The following SNTG2 variants were observed in gnomAD, a reference collection of about 807,000 sequenced individuals.
SNTG2 encodes the protein gamma-2-syntrophin.
In SNTG2, 74 loss-of-function variants were observed where a neutral mutation model predicts 70.9. The ratio of observed to expected loss-of-function variants is 1.04; its 90% CI spans 0.86 to 1.27. The LOEUF is 1.27. Ranked by LOEUF, SNTG2 falls within the 50% of genes most tolerant of loss-of-function variation. SNTG2 has a pLI of 0.00. For missense variants in SNTG2, 717 were observed against 690.7 expected (o/e 1.04, Z -0.43); for synonymous variants, 278 against 273.8 (o/e 1.02, Z -0.15).
Position 988,679 on chromosome 2 carries a change from A to C in SNTG2, c.72+37611A>C, listed in dbSNP as rs527258337. On this transcript the variant is annotated intron_variant, in intron 1 of 16. Transcript: ENST00000308624. ...TCCATTGCTCTTGGGTTAAGCTCCCAGGAGTGTGCCTGCTGGTCATTTTAG... is the reference window on the plus strand; with the variant it reads ...TCCATTGCTCTTGGGTTAAGCTCCCCGGAGTGTGCCTGCTGGTCATTTTAG... 2.6e-4 allele frequency among the ~76,000 whole-genome samples: 39 copies of C among 152,126 alleles called. 1 individual carries two copies. Among genetic ancestry groups the C allele is most frequent in the Admixed American group, 6.5e-4 (10 of 15,288 alleles).
intron 1 of SNTG2, among the ~76,000 whole-genome samples, chr2:1,005,808 TATATATATATATATATA>T (rs1659545951): frequency 3.3e-4 from 2 of 6,102 alleles, no homozygotes; most frequent in African/African-American, 1.5e-3. Flanking sequence ...TGCCTCAAAA[TATATATATATATATATA>T]TATATATATA....
Position 1,113,209 on chromosome 2 carries a change from C to CTAAG in SNTG2, c.325+14800_325+14801insAAGT, listed in dbSNP as rs1404043098. 2.4e-3 allele frequency among the ~76,000 whole-genome samples: 362 copies of CTAAG among 148,972 alleles called. 6 individuals are homozygous for CTAAG. Among genetic ancestry groups the CTAAG allele is most frequent in the African/African-American group, 8.6e-3 (342 of 39,974 alleles). ...AGTCCTTTGAGAAGGATCGTGTGTACTGAGGATTAACCTTTACAGTCCTTT... is the reference window on the plus strand; with the variant it reads ...AGTCCTTTGAGAAGGATCGTGTGTACTAAGTGAGGATTAACCTTTACAGTCCTTT... On this transcript the variant is annotated intron_variant, in intron 4 of 16. Transcript: ENST00000308624.
chr2:987,034 T>C (rs926870029), intron 1 of SNTG2, among the ~76,000 whole-genome samples: 5 of 152,252 alleles, frequency 3.3e-5, no homozygotes, highest in Non-Finnish European at 4.4e-5. Context: ...GTCCTTAGCA[T>C]GTGCTGGGTG....
intron 6 of SNTG2, among the ~76,000 whole-genome samples, chr2:1,161,829 G>A (rs535601805): frequency 6.6e-6 from 1 of 152,136 alleles, no homozygotes; most frequent in Middle Eastern, 3.4e-3. Flanking sequence ...AATCCCAGCA[G>A]TTTGGGAGGC....
At chr2:1,264,564 A>C (rs914776149) in intron 13 of SNTG2, among the ~76,000 whole-genome samples, 1 of 152,238 alleles carries the variant, frequency 6.6e-6, no homozygotes, top group African/African-American at 2.4e-5. Flanking sequence ...TGTGCACCAC[A>C]GATTGAGGTC....
At chr2:1,024,735 A>C (rs1327054323) in intron 1 of SNTG2, among the ~76,000 whole-genome samples, 1 of 152,224 alleles carries the variant, frequency 6.6e-6, no homozygotes, top group African/African-American at 2.4e-5. Flanking sequence ...AAAGATGAGA[A>C]TTAATACCCA....
intron 9 of SNTG2, among the ~76,000 whole-genome samples, chr2:1,229,460 G>GAGCTAGATACAGAGCTAGATACAGA (rs1676035811): frequency 6.6e-6 from 1 of 152,194 alleles, no homozygotes; most frequent in Non-Finnish European, 1.5e-5. Context: ...AGTGCCGATT[G>GAGCTAGATACAGAGCTAGATACAGA]GTGTATTTAC....
intron 13 of SNTG2, among the ~76,000 whole-genome samples, chr2:1,263,372 CAT>C (rs1462328265): frequency 3.9e-5 from 6 of 152,168 alleles, no homozygotes; most frequent in East Asian, 3.9e-4. Flanking sequence ...TAATTATTGA[CAT>C]ATTTTTAAAA....
chr2:1,034,003 T>C (rs1660988434), intron 1 of SNTG2, among the ~76,000 whole-genome samples: 1 of 151,746 alleles, frequency 6.6e-6, no homozygotes, highest in Non-Finnish European at 1.5e-5. Flanking sequence ...TTTTTAACTT[T>C]TATGTTTAGA....
intron 14 of SNTG2, among the ~76,000 whole-genome samples, chr2:1,289,613 G>A (rs1319623406): frequency 6.6e-6 from 1 of 152,190 alleles, no homozygotes. Flanking sequence ...GCCATGTTTG[G>A]AGTAGGACCC....
At chr2:1,335,673 G>A (rs969255709) in intron 16 of SNTG2, among the ~76,000 whole-genome samples, 5 of 152,070 alleles carry the variant, frequency 3.3e-5, no homozygotes, top group Non-Finnish European at 7.4e-5. Context: ...ATCTAGACAT[G>A]TACTTCAGCC....
chr2:1,133,459 C>T (rs1393224196), intron 4 of SNTG2, among the ~76,000 whole-genome samples: 19 of 152,156 alleles, frequency 1.2e-4, no homozygotes, highest in Non-Finnish European at 1.6e-4. Flanking sequence ...TACCTCATTA[C>T]AGCATTTTGC....
chr2:1,061,840 G>C (rs1198770109), intron 1 of SNTG2, among the ~76,000 whole-genome samples: 3 of 152,130 alleles, frequency 2.0e-5, no homozygotes. Flanking sequence ...TTCGTCTTTG[G>C]AATGGAGCAA....
intron 1 of SNTG2, among the ~76,000 whole-genome samples, chr2:1,052,201 T>A (rs1222054582): frequency 6.6e-6 from 1 of 152,190 alleles, no homozygotes; most frequent in Non-Finnish European, 1.5e-5. Flanking sequence ...GTTTGTATAG[T>A]ATCCATGTTA....
intron 1 of SNTG2, among the ~76,000 whole-genome samples, chr2:1,051,915 A>G (rs918400067): frequency 1.4e-4 from 21 of 152,380 alleles, no homozygotes; most frequent in African/African-American, 5.1e-4. Flanking sequence ...ACACAACATT[A>G]GAGAACTCTT....
At chr2:1,065,938 TCA>T (rs1290463859) in intron 1 of SNTG2, among the ~76,000 whole-genome samples, 1 of 152,168 alleles carries the variant, frequency 6.6e-6, no homozygotes, top group Non-Finnish European at 1.5e-5. Context: ...ACAAAAATAA[TCA>T]CACAAGATTA....
At chr2:1,080,120 GGT>G (rs1664188102) in intron 1 of SNTG2, among the ~76,000 whole-genome samples, 1 of 152,206 alleles carries the variant, frequency 6.6e-6, no homozygotes, top group Admixed American at 6.5e-5. Context: ...CCTGGGCAAT[GGT>G]GTGGCTGGGG....
intron 1 of SNTG2, among the ~76,000 whole-genome samples, chr2:1,022,432 C>T (rs77987350): frequency 0.19 from 28,750 of 151,630 alleles, 3,370 homozygotes; most frequent in Middle Eastern, 0.26. Context: ...CCTGCATTGC[C>T]GTGAATCTGA....
chr2:1,085,006 A>G (rs547819387), intron 2 of SNTG2, among the ~76,000 whole-genome samples: 3 of 152,254 alleles, frequency 2.0e-5, no homozygotes, highest in Non-Finnish European at 4.4e-5. Context: ...CATCCCAACC[A>G]CGGCCTCTGC....
Sources: allele counts gnomAD v4.1 joint callset (sites outside exome capture counted in the v4.1 genomes callset), GRCh38; gene constraint gnomAD v4.1.1; transcripts MANE v1.5; gene names NCBI Gene and HGNC (gene_info 2026-07-23, HGNC 2026-07-21).